Variants in PKP4 observed in about 807,000 individuals in gnomAD.
PKP4 encodes plakophilin-4.
A neutral mutation model predicts 145.1 loss-of-function variants in PKP4; 90 were observed. The observed-to-expected ratio is 0.62, with a 90% CI of 0.52 to 0.74. The LOEUF (loss-of-function observed/expected upper bound fraction) is 0.74, where lower values mean the gene tolerates loss of function less well. PKP4 is among the 30% of genes least tolerant of loss of function. The probability of loss-of-function intolerance (pLI) is 0.00; values close to 1 mark genes in which losing one functional copy is unlikely to be tolerated. For missense variants in PKP4, 1,340 were observed against 1,482.7 expected, an observed-to-expected ratio of 0.90 and a Z score of 1.58; for synonymous variants, 563 against 577.2, an observed-to-expected ratio of 0.98 and a Z score of 0.35.
intron 1 of PKP4, among the ~76,000 whole-genome samples, chr2:158,459,643 T>C (rs1689452500): frequency 6.6e-6 from 1 of 152,114 alleles, no homozygotes; most frequent in Non-Finnish European, 1.5e-5. Context: ...ACAGGAAACT[T>C]TTATTATGTA....
chr2:158,652,295 A>G (rs1256671768), intron 11 of PKP4, among the ~76,000 whole-genome samples: 1 of 152,218 alleles, frequency 6.6e-6, no homozygotes, highest in Non-Finnish European at 1.5e-5. Context: ...CGTATGGGGC[A>G]GCACAGGTCT....
chr2:158,538,191 A>G (rs1360523595), intron 2 of PKP4, among the ~76,000 whole-genome samples: 1 of 152,196 alleles, frequency 6.6e-6, no homozygotes, highest in African/African-American at 2.4e-5. Flanking sequence ...TGCCCTCTGC[A>G]ACTTACTTAG....
chr2:158,479,804 A>G (rs1385812654), intron 1 of PKP4, among the ~76,000 whole-genome samples: 1 of 152,210 alleles, frequency 6.6e-6, no homozygotes, highest in Non-Finnish European at 1.5e-5. Context: ...CAGACAAGCA[A>G]TCCTTTTTCC....
At chr2:158,478,322 A>C (rs946196050) in intron 1 of PKP4, among the ~76,000 whole-genome samples, 15 of 152,070 alleles carry the variant, frequency 9.9e-5, no homozygotes, top group Non-Finnish European at 1.9e-4. Context: ...AGAATGTTGT[A>C]AAATGGGGTT....
chr2:158,504,775 T>A (rs982729588), intron 1 of PKP4, among the ~76,000 whole-genome samples: 2 of 152,238 alleles, frequency 1.3e-5, no homozygotes, highest in African/African-American at 4.8e-5. Flanking sequence ...GAATTTCCAA[T>A]ACTCTGTTAC....
intron 2 of PKP4, among the ~76,000 whole-genome samples, chr2:158,550,400 C>T (rs1483175923): frequency 1.3e-5 from 2 of 152,144 alleles, no homozygotes; most frequent in Non-Finnish European, 2.9e-5. Flanking sequence ...TGAATGTAGT[C>T]ATGTAACCAT....
intron 11 of PKP4, among the ~76,000 whole-genome samples, chr2:158,650,037 T>C (rs1270104124): frequency 6.6e-6 from 1 of 152,172 alleles, no homozygotes; most frequent in East Asian, 1.9e-4. Context: ...CTTGGGCAAA[T>C]CTCTATGATA....
intron 2 of PKP4, among the ~76,000 whole-genome samples, chr2:158,572,945 A>G (rs1559341769): frequency 6.6e-6 from 1 of 152,238 alleles, no homozygotes; most frequent in Non-Finnish European, 1.5e-5. Context: ...GTAACCTGAC[A>G]ATCATTATCA....
At chr2:158,609,685 T>C (rs1471577832) in intron 4 of PKP4, among the ~76,000 whole-genome samples, 1 of 152,238 alleles carries the variant, frequency 6.6e-6, no homozygotes, top group African/African-American at 2.4e-5. Flanking sequence ...TGTGGTAAAC[T>C]GGAACCAGCC....
At chr2:158,522,849 C>G (rs545611946) in intron 1 of PKP4, among the ~76,000 whole-genome samples, 34 of 147,574 alleles carry the variant, frequency 2.3e-4, no homozygotes, top group African/African-American at 8.0e-4. Context: ...GTTCCCTTTC[C>G]GAGTCAAAGA....
chr2:158,505,605 G>T (rs536709398), intron 1 of PKP4, among the ~76,000 whole-genome samples: 1 of 152,190 alleles, frequency 6.6e-6, no homozygotes, highest in East Asian at 1.9e-4. Context: ...AATGTATTAG[G>T]GGGTGGTGAT....
chr2:158,474,667 C>G (rs1211940482), intron 1 of PKP4, among the ~76,000 whole-genome samples: 1 of 152,144 alleles, frequency 6.6e-6, no homozygotes, highest in African/African-American at 2.4e-5. Context: ...TTTTGCCTTT[C>G]CCTCAGCAGT....
At chr2:158,605,496 G>A (rs976152756) in intron 4 of PKP4, among the ~76,000 whole-genome samples, 4 of 152,104 alleles carry the variant, frequency 2.6e-5, no homozygotes, top group Non-Finnish European at 5.9e-5. Context: ...AGCCTAACAG[G>A]ACGTTAGTAC....
chr2:158,600,261 T>G (rs562069583), intron 3 of PKP4, among the ~76,000 whole-genome samples: 1 of 152,348 alleles, frequency 6.6e-6, no homozygotes, highest in African/African-American at 2.4e-5. Context: ...ATCTTCCCAT[T>G]GAAACAAAGT....
At position 158,554,176 on chromosome 2, in the gene PKP4, GA is replaced by G. The variant is rs1255961843; in HGVS notation, c.132+20861del. ...TTTACCATGCTTCCTCCTCTCTCCT[GA>G]CATTCAGTAGCCTTCTGGCACTCAC... On this transcript the variant is annotated intron_variant, in intron 2 of 21. Transcript: ENST00000389759. 2.4e-3 allele frequency among the ~76,000 whole-genome samples: 363 copies of G among 150,924 alleles called. 2 individuals carry two copies. Among genetic ancestry groups the G allele is most frequent in the South Asian group, 3.8e-3 (18 of 4,700 alleles).
intron 1 of PKP4, among the ~76,000 whole-genome samples, chr2:158,526,887 T>C (rs1463841377): frequency 1.6e-5 from 1 of 64,178 alleles, no homozygotes; most frequent in Non-Finnish European, 2.9e-5. Context: ...CATTCACAAT[T>C]GCTTCAAAGA....
chr2:158,538,576 G>A (rs550975985), intron 2 of PKP4, among the ~76,000 whole-genome samples: 1 of 125,364 alleles, frequency 8.0e-6, no homozygotes, highest in East Asian at 2.3e-4. Context: ...CTCTCGCTCT[G>A]TCATCCAGGC....
intron 3 of PKP4, among the ~76,000 whole-genome samples, chr2:158,598,915 G>A (rs1023769506): frequency 1.3e-5 from 2 of 152,134 alleles, no homozygotes. Context: ...AGAATTTCCA[G>A]ACTCTATTCC....
intron 1 of PKP4, among the ~76,000 whole-genome samples, chr2:158,529,875 C>A (rs186203512): frequency 6.6e-6 from 1 of 152,228 alleles, no homozygotes; most frequent in African/African-American, 2.4e-5. Context: ...ATTCCATATT[C>A]TTAGTCATTG....
Sources: gnomAD v4.1 joint callset for allele counts (sites outside exome capture counted in the v4.1 genomes callset) on GRCh38, gnomAD v4.1.1 for gene constraint, MANE v1.5 for transcripts, NCBI Gene and HGNC (gene_info 2026-07-23, HGNC 2026-07-21) for gene names.